SYNDIG1L: variants seen among roughly 807,000 people sequenced by gnomAD.
The protein encoded by SYNDIG1L is synapse differentiation-inducing gene protein 1-like.
A neutral mutation model predicts 20.1 loss-of-function variants in SYNDIG1L; 13 were observed. The ratio of observed to expected loss-of-function variants is 0.65; its 90% confidence interval spans 0.42 to 1.03. The LOEUF (loss-of-function observed/expected upper bound fraction) is 1.03, where lower values mean the gene tolerates loss of function less well. Among genes scored for constraint, SYNDIG1L ranks in the 50% least tolerant of loss-of-function variants. SYNDIG1L has a pLI of 0.00. For missense variants in SYNDIG1L, 294 were observed against 305.1 expected (o/e 0.96, Z 0.27); for synonymous variants, 128 against 129.3 (o/e 0.99, Z 0.07).
chr14:74,442,896 T>G, the SYNDIG1L span, among the ~76,000 whole-genome samples: 1 of 152,212 alleles, frequency 6.6e-6, no homozygotes, highest in African/African-American at 2.4e-5. Flanking sequence ...TGGTTGATGG[T>G]GCAGTTTGCT....
At chr14:74,432,319 G>A in the SYNDIG1L span, among the ~76,000 whole-genome samples, 3 of 152,154 alleles carry the variant, frequency 2.0e-5, no homozygotes, top group Admixed American at 2.0e-4. Flanking sequence ...GTAAGGCTGT[G>A]CATTACAGCA....
intron 1 of SYNDIG1L, among the ~76,000 whole-genome samples, chr14:74,410,546 C>T (rs116882892): frequency 0.012 from 1,767 of 152,098 alleles, 23 homozygotes; most frequent in South Asian, 0.021. Context: ...AGGGCTGGAC[C>T]GACTGACCCC....
At chr14:74,476,490 G>A in the SYNDIG1L span, 12 of 1,529,590 alleles carry the variant, frequency 7.8e-6, no homozygotes, top group South Asian at 4.8e-5. Context: ...GACATGCCAC[G>A]TCTGCTCCAG....
In SYNDIG1L at chr14:74,409,522, C is replaced by T. The variant is rs761118760; in HGVS notation, c.223G>A (p.Gly75Arg). Residue 75 changes from glycine to arginine, a missense_variant, in exon 2 of 4, where the codon GGG becomes AGG. By Grantham distance (125) the Gly-to-Arg change is moderately radical (BLOSUM62 -2). Transcript: ENST00000331628. ...EAWYRPSCLLGRDKVKEPRAG... is the reference protein window; with the variant it reads ...EAWYRPSCLLRRDKVKEPRAG... ...CTGGGCTCCTTGACCTTGTCTCTCC[C>T]CAGGAGGCAGCTGGGCCGGTACCAG... is the stretch of plus-strand genomic sequence containing the variant. The T allele has an allele frequency of 1.9e-6, 3 of 1,597,778 alleles. No individual in the cohort carries two copies. Among genetic ancestry groups the T allele is most frequent in the Admixed American group, 1.7e-5 (1 of 57,408 alleles).
At chr14:74,434,917 T>TAAA in the SYNDIG1L span, among the ~76,000 whole-genome samples, 5 of 130,672 alleles carry the variant, frequency 3.8e-5, no homozygotes, top group African/African-American at 1.2e-4. Flanking sequence ...CCATCTCTAC[T>TAAA]AAAAAAAAAA....
chr14:74,409,902 C>T lies in SYNDIG1L; in HGVS notation c.-57-101G>A, dbSNP rs142377666. 11 of 912,974 alleles carry T rather than the reference C, an allele frequency of 1.2e-5. No individual in the cohort carries two copies. The South Asian group carries it at 1.7e-4, about 14-fold the overall frequency. 56.6% of individuals were successfully genotyped at this position (912,974 alleles called of 1,614,324 possible). A position where few individuals can be genotyped will look rare whatever the true frequency, so the allele number is the denominator to read the frequency against. ...GTCCTGCAGTCTGACTTGGCTCAAA[C>T]TCTGCCTCTGCCCTTTGCAAGATGC... On this transcript the variant is annotated intron_variant, in intron 1 of 3. Transcript: ENST00000331628.
At chr14:74,436,173 G>A in the SYNDIG1L span, among the ~76,000 whole-genome samples, 286 of 151,826 alleles carry the variant, frequency 1.9e-3, 1 homozygote, top group Middle Eastern at 3.4e-3. Flanking sequence ...GGGTTCTCCA[G>A]AGTACTCCCT....
At chr14:74,408,398 T>A (rs1249011214) in intron 2 of SYNDIG1L, among the ~76,000 whole-genome samples, 1 of 152,006 alleles carries the variant, frequency 6.6e-6, no homozygotes, top group Non-Finnish European at 1.5e-5. Flanking sequence ...ACTCCCTCTC[T>A]ACTGAAAATA....
chr14:74,453,367 AAAAAAAAAAAAAAAAAAAAAAAAAG>A, the SYNDIG1L span, among the ~76,000 whole-genome samples: 2 of 78,278 alleles, frequency 2.6e-5, no homozygotes, highest in Non-Finnish European at 5.7e-5. Context: ...AAAAAAAAAA[AAAAAAAAAAAAAAAAAAAAAAAAAG>A]AAGAAGAAGA....
the SYNDIG1L span, among the ~76,000 whole-genome samples, chr14:74,469,199 T>A: frequency 6.6e-6 from 1 of 152,072 alleles, no homozygotes; most frequent in Non-Finnish European, 1.5e-5. Flanking sequence ...AGTGACACAT[T>A]GCAGAGCCTT....
the SYNDIG1L span, among the ~76,000 whole-genome samples, chr14:74,432,653 C>G: frequency 6.6e-6 from 1 of 152,220 alleles, no homozygotes; most frequent in Non-Finnish European, 1.5e-5. Context: ...GTCAGGAGTT[C>G]GAGACCAGCT....
chr14:74,459,394 C>T, the SYNDIG1L span, among the ~76,000 whole-genome samples: 2 of 152,128 alleles, frequency 1.3e-5, no homozygotes, highest in Non-Finnish European at 2.9e-5. Flanking sequence ...GTCCCAGCTA[C>T]TCAGGAGTCT....
chr14:74,474,119 A>G, the SYNDIG1L span: 1 of 152,196 alleles, frequency 6.6e-6, no homozygotes, highest in Non-Finnish European at 1.5e-5. Context: ...TAGGCTTTGT[A>G]TTTCCAAGCT....
chr14:74,446,774 G>C, the SYNDIG1L span, among the ~76,000 whole-genome samples: 1 of 151,928 alleles, frequency 6.6e-6, no homozygotes, highest in African/African-American at 2.4e-5. Context: ...ATGCCACCAC[G>C]CTCGGCTAAT....
At chr14:74,413,484 A>G (rs768085680) in intron 1 of SYNDIG1L, among the ~76,000 whole-genome samples, 6 of 152,248 alleles carry the variant, frequency 3.9e-5, no homozygotes, top group Non-Finnish European at 8.8e-5. Context: ...AGAAGAAAAG[A>G]AAATGGTAAA....
chr14:74,450,360 T>C, the SYNDIG1L span, among the ~76,000 whole-genome samples: 1,109 of 152,224 alleles, frequency 7.3e-3, 10 homozygotes, highest in South Asian at 0.029. Context: ...ATTACCATAA[T>C]ACCAAAATCA....
the SYNDIG1L span, chr14:74,480,061 T>G: frequency 6.6e-7 from 1 of 1,519,318 alleles, no homozygotes; most frequent in Non-Finnish European, 8.8e-7. Flanking sequence ...GTGCTGCATT[T>G]AATGAAACCA....
At chr14:74,471,652 C>T in the SYNDIG1L span, among the ~76,000 whole-genome samples, 2 of 151,952 alleles carry the variant, frequency 1.3e-5, no homozygotes, top group Non-Finnish European at 2.9e-5. Flanking sequence ...AATTTACAGA[C>T]CGAACTAAGA....
intron 2 of SYNDIG1L, among the ~76,000 whole-genome samples, chr14:74,408,919 T>C (rs1595193432): frequency 6.6e-6 from 1 of 152,154 alleles, no homozygotes; most frequent in African/African-American, 2.4e-5. Flanking sequence ...AACTCAAAGC[T>C]AGTGTTTCTC....
Sources: gnomAD v4.1 joint callset for allele counts (sites outside exome capture counted in the v4.1 genomes callset) on GRCh38, gnomAD v4.1.1 for gene constraint, MANE v1.5 for transcripts, NCBI Gene and HGNC (gene_info 2026-07-23, HGNC 2026-07-21) for gene names.